The following PADI3 variants were observed in gnomAD, a reference collection of about 807,000 sequenced individuals.
The protein encoded by PADI3 is protein-arginine deiminase type-3.
A neutral mutation model predicts 71.5 loss-of-function variants in PADI3; 53 were observed. The ratio of observed to expected loss-of-function variants is 0.74; its 90% CI spans 0.59 to 0.93. PADI3 has a LOEUF of 0.93. Ranked by LOEUF, PADI3 falls within the 40% of genes least tolerant of loss-of-function variation. The pLI, the probability that PADI3 is intolerant of heterozygous loss-of-function variation, is 0.00. For synonymous variants in PADI3, 361 were observed against 347.5 expected (o/e 1.04, Z -0.43); for missense variants, 821 against 868.0 (o/e 0.95, Z 0.68).
In PADI3 at chr1:17,257,562, G is replaced by C. The variant is rs141175526; in HGVS notation, c.93-2016G>C. ...CTTAGGAGGAGAAACAGGTGTGTCTGTCCCTCCCAACTGGTGAGGACACCT... is the reference window on the plus strand; with the variant it reads ...CTTAGGAGGAGAAACAGGTGTGTCTCTCCCTCCCAACTGGTGAGGACACCT... On this transcript the variant is annotated intron_variant, in intron 1 of 15. Transcript: ENST00000375460. Among the ~76,000 whole-genome samples the C allele has an allele frequency of 7.2e-5, 11 of 152,364 alleles. No homozygotes were observed. In the East Asian group the frequency reaches 2.1e-3, roughly 29 times the overall value.
Position 17,283,034 on chromosome 1 carries a change from G to A in PADI3, c.1950G>A (p.Val650=). The A allele has an allele frequency of 1.2e-6, 2 of 1,614,216 alleles. No homozygotes were observed. The highest frequency in any genetic ancestry group is 1.7e-6 in the Non-Finnish European group (2 of 1,180,026). ...GGGAGGTGCACTGTGGCACCAATGT[G>A]TGCAGAAAGCCCTTCTCTTTCAAGT... ...LHGEVHCGTN[V]CRKPFSFKWW... The change falls in exon 16 of 16, where the codon GTG becomes GTA. Residue 650 remains valine, a synonymous_variant. Coordinates refer to ENST00000375460, the MANE Select transcript of PADI3 (RefSeq NM_016233.2).
At chr1:17,280,281 C>T in intron 13 of PADI3, 69 bp from the exon 14 acceptor site, 2 of 1,248,084 alleles carry the variant, frequency 1.6e-6, no homozygotes, top group Non-Finnish European at 2.4e-6. Context: ...TGCCTGTCTG[C>T]TTCCCTAAGC....
At chr1:17,272,129 A>C (rs1008881476) in intron 9 of PADI3, among the ~76,000 whole-genome samples, 2 of 152,198 alleles carry the variant, frequency 1.3e-5, no homozygotes, top group African/African-American at 4.8e-5. Context: ...TTAGGGGAGC[A>C]TGACTGGGCC....
At chr1:17,263,372 G>A (rs748593257) in intron 3 of PADI3, among the ~76,000 whole-genome samples, 1 of 151,882 alleles carries the variant, frequency 6.6e-6, no homozygotes, top group Non-Finnish European at 1.5e-5. Flanking sequence ...AGTACTTGAG[G>A]CATTGTGAAA....
chr1:17,271,716 CGT>C (rs1357833506), intron 9 of PADI3, among the ~76,000 whole-genome samples: 1 of 151,274 alleles, frequency 6.6e-6, no homozygotes, highest in African/African-American at 2.4e-5. Flanking sequence ...GGCATGGTGG[CGT>C]GTGTCTGTAG....
At chr1:17,279,489 G>A (rs576324461) in intron 13 of PADI3, among the ~76,000 whole-genome samples, 7 of 152,284 alleles carry the variant, frequency 4.6e-5, no homozygotes, top group African/African-American at 9.6e-5. Flanking sequence ...TGAAGCGGGC[G>A]TTAGACCTGC....
At chr1:17,269,409 T>C (rs1480609301) in intron 6 of PADI3, among the ~76,000 whole-genome samples, 1 of 152,230 alleles carries the variant, frequency 6.6e-6, no homozygotes, top group Non-Finnish European at 1.5e-5. Flanking sequence ...TCTCTGAACA[T>C]CATAGTGGTT....
intron 13 of PADI3, among the ~76,000 whole-genome samples, chr1:17,277,382 C>T (rs1290729590): frequency 3.9e-5 from 6 of 152,114 alleles, no homozygotes; most frequent in African/African-American, 1.4e-4. Flanking sequence ...TTAGTAGAGA[C>T]GGGGGTTTCT....
intron 4 of PADI3, 134 bp downstream of exon 4, chr1:17,265,854 A>G: frequency 1.4e-6 from 1 of 730,954 alleles, no homozygotes. Context: ...CCAAAAACAG[A>G]AACCAGGCAT....
chr1:17,276,472 G>T (rs778234067), intron 11 of PADI3, 47 bp from the exon 12 acceptor site: 85 of 1,601,766 alleles, frequency 5.3e-5, no homozygotes, highest in Non-Finnish European at 7.1e-5. Flanking sequence ...TTTCTGCATG[G>T]AGTCTTTTTA....
chr1:17,262,486 T>C (rs1245723583), intron 3 of PADI3, among the ~76,000 whole-genome samples: 1 of 152,206 alleles, frequency 6.6e-6, no homozygotes, highest in Non-Finnish European at 1.5e-5. Context: ...CCTCCACAAA[T>C]GGATACATAA....
intron 2 of PADI3, among the ~76,000 whole-genome samples, chr1:17,261,054 A>G (rs982190592): frequency 6.6e-6 from 1 of 152,198 alleles, no homozygotes; most frequent in African/African-American, 2.4e-5. Flanking sequence ...TGATTGACAC[A>G]TGGAGGTCAG....
At chr1:17,275,436 CAAAAAAAAAAA>C (rs10617336) in intron 11 of PADI3, among the ~76,000 whole-genome samples, 1 of 89,466 alleles carries the variant, frequency 1.1e-5, no homozygotes, top group African/African-American at 4.6e-5. Flanking sequence ...GACTCCGTCT[CAAAAAAAAAAA>C]AAAAAAAAAA....
chr1:17,258,471 T>G (rs1483734193), intron 1 of PADI3, among the ~76,000 whole-genome samples: 3 of 152,242 alleles, frequency 2.0e-5, no homozygotes, highest in Non-Finnish European at 4.4e-5. Context: ...ATGAGGGAAA[T>G]GCAATCTCAG....
At chr1:17,261,568 C>G (rs1417393592) in intron 2 of PADI3, among the ~76,000 whole-genome samples, 2 of 152,236 alleles carry the variant, frequency 1.3e-5, no homozygotes, top group Admixed American at 6.5e-5. Flanking sequence ...ATAACAGTAG[C>G]TAGTATTTCT....
In PADI3 at chr1:17,280,438, G is replaced by T; in HGVS notation, c.1635+9G>T. The T allele has an allele frequency of 1.9e-6, 3 of 1,607,856 alleles. No homozygotes were observed. The highest frequency in any genetic ancestry group is 2.6e-6 in the Non-Finnish European group (3 of 1,174,258). ...ACAATAAGTTTGTGCAGGTACAAGGGCTGTGGTGTACCTGTGGGCTGTGAT... is the reference window on the plus strand; with the variant it reads ...ACAATAAGTTTGTGCAGGTACAAGGTCTGTGGTGTACCTGTGGGCTGTGAT... On this transcript the variant is annotated intron_variant, in intron 14 of 15. Transcript: ENST00000375460.
chr1:17,271,684 A>G (rs1232967999), intron 9 of PADI3, among the ~76,000 whole-genome samples: 1 of 151,784 alleles, frequency 6.6e-6, no homozygotes, highest in African/African-American at 2.4e-5. Context: ...CTGTCTCTGC[A>G]AAAAAGTTAA....
At chr1:17,267,144 T>C in intron 5 of PADI3, among the ~76,000 whole-genome samples, 1 of 152,132 alleles carries the variant, frequency 6.6e-6, no homozygotes, top group East Asian at 1.9e-4. Context: ...CCAGGCCTTT[T>C]CCCCAAATTC....
rs555891714 is a variant in PADI3, at chr1:17,277,575, C to G, written c.1555+699C>G. Among the ~76,000 whole-genome samples, 3 of 152,226 alleles carry G rather than the reference C, an allele frequency of 2.0e-5. No homozygotes were observed. The South Asian group carries it at 6.2e-4, about 31-fold the overall frequency. ...GGGGCTTGGAGCCTCTGCTCAGGCA[C>G]AGTCCTGTCTCCCAGCCTCCCTGCC... On this transcript the variant is annotated intron_variant, in intron 13 of 15. Transcript: ENST00000375460.
Sources: gnomAD v4.1 joint callset for allele counts (sites outside exome capture counted in the v4.1 genomes callset) on GRCh38, gnomAD v4.1.1 for gene constraint, MANE v1.5 for transcripts, NCBI Gene and HGNC (gene_info 2026-07-23, HGNC 2026-07-21) for gene names.